CARD14: variants seen among roughly 807,000 people sequenced by gnomAD.
The protein encoded by CARD14 is caspase recruitment domain family member 14, also known as caspase recruitment domain-containing protein 14.
In CARD14, 107 loss-of-function variants were observed where a neutral mutation model predicts 111.5. The observed-to-expected ratio is 0.96, with a 90% confidence interval of 0.82 to 1.13. The LOEUF is 1.13. CARD14 is among the 50% of genes most tolerant of loss of function. The probability of loss-of-function intolerance (pLI) is 0.00; values close to 1 mark genes in which losing one functional copy is unlikely to be tolerated. For missense variants in CARD14, 1,322 were observed against 1,362.3 expected (o/e 0.97, Z 0.47); for synonymous variants, 617 against 579.6 (o/e 1.06, Z -0.93).
chr17:80,189,650 A>C lies in CARD14; in HGVS notation c.844-103A>C. On this transcript the variant is annotated intron_variant, in intron 8 of 23. Coordinates refer to ENST00000648509, the MANE Select transcript of CARD14 (RefSeq NM_001366385.1). This position sits in a 1 kb window ranked among gnomAD's most constrained non-coding sequence, Gnocchi z 4.7. Reference sequence around the variant, plus strand: ...TAGAGTGGCAAGACTGCATCCGTCCACACACCTGACCGTGCAGTTGCCGCC... The same window carrying C: ...TAGAGTGGCAAGACTGCATCCGTCCCCACACCTGACCGTGCAGTTGCCGCC... 7.4e-7 allele frequency: 1 copy of C among 1,351,290 alleles called. No individual in the cohort carries two copies. The highest frequency in any genetic ancestry group is 9.7e-7 in the Non-Finnish European group (1 of 1,032,174). 83.7% of individuals were successfully genotyped at this position (1,351,290 alleles called of 1,614,324 possible).
chr17:80,204,892 G>A, intron 20 of CARD14, 143 bp from the exon 21 acceptor site: 1 of 692,534 alleles, frequency 1.4e-6, no homozygotes, highest in Non-Finnish European at 2.3e-6. Context: ...AGTGAGTCCT[G>A]TGACCGCTGA....
At position 80,207,793 on chromosome 17, in the gene CARD14, CG is replaced by C. The variant is rs1359333761; in HGVS notation, c.2808-343del. On this transcript the variant is annotated intron_variant, in intron 23 of 23. Coordinates refer to ENST00000648509, the MANE Select transcript of CARD14 (RefSeq NM_001366385.1). The stretch of plus-strand genomic sequence containing the variant: ...ACCATTGTAAGGCCAGAACCCCACC[CG>C]GCCTCAGCTCCACTGACCCTCCACT... 1.5e-5 allele frequency: 4 copies of C among 267,576 alleles called. No individual in the cohort carries two copies. In the Admixed American group the frequency reaches 2.1e-4, roughly 14 times the overall value. The allele number at this position is 267,576 out of a possible 1,614,324, so 16.6% of individuals were successfully genotyped here.
chr17:80,198,710 C>T lies in CARD14; in HGVS notation c.1851+119C>T, dbSNP rs746667856. On this transcript the variant is annotated intron_variant, in intron 16 of 23. Transcript: ENST00000648509. This position sits in a 1 kb window ranked among gnomAD's most constrained non-coding sequence, Gnocchi z 7.5. Reference sequence around the variant, plus strand: ...CGATGCAGATCCACTCTGGGCTGGGCCTCTGCTCTTTCCTGGGCTGACGTA... The same window carrying T: ...CGATGCAGATCCACTCTGGGCTGGGTCTCTGCTCTTTCCTGGGCTGACGTA... 7 of 1,588,648 alleles carry T rather than the reference C, an allele frequency of 4.4e-6. No homozygotes were observed. The South Asian group carries it at 4.5e-5, about 10-fold the overall frequency.
At chr17:80,196,923 G>A (rs1171521547) in intron 14 of CARD14, 1 of 152,340 alleles carries the variant, frequency 6.6e-6, no homozygotes, top group African/African-American at 2.4e-5. Flanking sequence ...TAGTACAGTA[G>A]TGCAGGTCTG....
chr17:80,197,934 T>C (rs1490196721), intron 14 of CARD14, among the ~76,000 whole-genome samples, 165 bp from the exon 15 acceptor site: 1 of 151,950 alleles, frequency 6.6e-6, no homozygotes, highest in African/African-American at 2.4e-5. Context: ...CAGTGGGGCC[T>C]GAGGCTGAGG....
At chr17:80,175,952 G>GTTTTTTT (rs531556673) in intron 2 of CARD14, among the ~76,000 whole-genome samples, 3 of 53,548 alleles carry the variant, frequency 5.6e-5, no homozygotes, top group Admixed American at 3.0e-4. Flanking sequence ...CTCTCGGATC[G>GTTTTTTT]TTTTTTTTTT....
Position 80,188,257 on chromosome 17 carries a change from G to T in CARD14, c.676-120G>T. ...CCTTTCGTGGGTTTTTCAGTCTCGA[G>T]GCAGGAAGCCCCCTGAGTGCTAAAA... On this transcript the variant is annotated intron_variant, in intron 7 of 23. Coordinates refer to ENST00000648509, the MANE Select transcript of CARD14 (RefSeq NM_001366385.1). This position sits in a 1 kb window ranked among gnomAD's most constrained non-coding sequence, Gnocchi z 4.5. The T allele has an allele frequency of 9.4e-7, 1 of 1,059,984 alleles. No individual in the cohort carries two copies. The highest frequency in any genetic ancestry group is 1.3e-6 in the Non-Finnish European group (1 of 775,586). The allele number at this position is 1,059,984 out of a possible 1,614,324, so 65.7% of individuals were successfully genotyped here.
chr17:80,191,287 A>G, intron 10 of CARD14, 36 bp from the exon 11 acceptor site: 1 of 1,594,664 alleles, frequency 6.3e-7, no homozygotes, highest in Non-Finnish European at 8.6e-7. Context: ...CCCGGTGGTG[A>G]TGGCGCGGCC....
chr17:80,198,615 G>T lies in CARD14; in HGVS notation c.1851+24G>T. 1 of 1,610,648 alleles carries T rather than the reference G, an allele frequency of 6.2e-7. No individual in the cohort carries two copies. The highest frequency in any genetic ancestry group is 2.2e-5 in the East Asian group (1 of 44,852). ...TGGTGAGCCGTGCGAGGCCCCTCCTGTCCCCCGGGCTCCTCATGGGGACAG... is the reference window on the plus strand; with the variant it reads ...TGGTGAGCCGTGCGAGGCCCCTCCTTTCCCCCGGGCTCCTCATGGGGACAG... On this transcript the variant is annotated intron_variant, in intron 16 of 23. Coordinates refer to ENST00000648509, the MANE Select transcript of CARD14 (RefSeq NM_001366385.1). The surrounding 1 kb of genome is among the most constrained non-coding windows in gnomAD (Gnocchi z 7.5).
At chr17:80,174,279 C>T (rs1016405049) in intron 2 of CARD14, among the ~76,000 whole-genome samples, 1 of 152,208 alleles carries the variant, frequency 6.6e-6, no homozygotes, top group African/African-American at 2.4e-5. Context: ...GTGGCGTAAT[C>T]TCAGCTCACT....
At chr17:80,174,625 T>C (rs781467046) in intron 2 of CARD14, among the ~76,000 whole-genome samples, 1 of 152,170 alleles carries the variant, frequency 6.6e-6, no homozygotes, top group African/African-American at 2.4e-5. Context: ...AAGAATCTTC[T>C]TATTTGGCTG....
chr17:80,202,365 A>G lies in CARD14; in HGVS notation c.2164A>G (p.Asn722Asp), dbSNP rs769617562. 9.9e-6 allele frequency: 16 copies of G among 1,613,222 alleles called. No homozygotes were observed. The highest frequency in any genetic ancestry group is 1.4e-5 in the Non-Finnish European group (16 of 1,180,016). The change falls in exon 18 of 24, where the codon AAC becomes GAC. Residue 722 changes from asparagine (N) to aspartate (D), a missense_variant. Physicochemically the swap from Asn to Asp is conservative, Grantham distance 23. Transcript: ENST00000648509. ...CGGCTGCTGGCATGCCCACCGCGTG[A>G]ACTCTTACACCATGAAGGATACTGC... is the stretch of plus-strand genomic sequence containing the variant. Reference protein sequence around the residue: ...GCGCWHAHRVNSYTMKDTAAH... With the variant: ...GCGCWHAHRVDSYTMKDTAAH...
At position 80,202,424 on chromosome 17, in the gene CARD14, A is replaced by G. The variant is rs2041033764; in HGVS notation, c.2219+4A>G. 6.2e-7 allele frequency: 1 copy of G among 1,608,360 alleles called. No individual in the cohort carries two copies. On this transcript the variant is annotated splice_donor_region_variant and intron_variant, in intron 18 of 23. Coordinates refer to ENST00000648509, the MANE Select transcript of CARD14 (RefSeq NM_001366385.1). ...GCACCATCCCCAACTACTCCAGGTG[A>G]GCAGCTGCCTCGAGCTCGGTGCGTC...
Position 80,205,622 on chromosome 17 carries a change from C to A in CARD14, c.2661C>A (p.Thr887=). The A allele has an allele frequency of 6.4e-7, 1 of 1,567,546 alleles. No individual in the cohort carries two copies. The highest frequency in any genetic ancestry group is 8.7e-7 in the Non-Finnish European group (1 of 1,155,712). Residue 887 remains threonine (T), a synonymous_variant, in exon 22 of 24, where the codon ACC becomes ACA. Coordinates refer to ENST00000648509, the MANE Select transcript of CARD14 (RefSeq NM_001366385.1). The part of the protein sequence containing the change: ...GEVSGGRCWV[T]RHAVESLMEK... ...TGTCCGGGGGCCGCTGCTGGGTGACCCGCCATGCTGTGGAGTCCCTCATGG... is the reference window on the plus strand; with the variant it reads ...TGTCCGGGGGCCGCTGCTGGGTGACACGCCATGCTGTGGAGTCCCTCATGG...
rs2041361762 is a variant in CARD14 at position 80,207,078 on chromosome 17, A to C, written c.2800A>C (p.Lys934Gln). The C allele has an allele frequency of 6.2e-7, 1 of 1,612,824 alleles. No individual in the cohort carries two copies. The highest frequency in any genetic ancestry group is 1.7e-5 in the Admixed American group (1 of 59,994). Reference sequence around the variant, plus strand: ...CTCTGTCAACGAGAAGATGGCAAAGAAGCTCAAGTAGGTGCACGCTGGGGG... The same window carrying C: ...CTCTGTCAACGAGAAGATGGCAAAGCAGCTCAAGTAGGTGCACGCTGGGGG... ...HVSVNEKMAK[K>Q]LKKGLQRLGT... is the part of the protein sequence containing the mutation. The change falls in exon 23 of 24, where the codon AAG (lysine) becomes CAG (glutamine). Residue 934 changes from lysine (K) to glutamine (Q), a missense_variant. Transcript: ENST00000648509.
Position 80,189,865 on chromosome 17 carries a change from G to C in CARD14, c.956G>C (p.Arg319Pro). 1 of 1,595,062 alleles carries C rather than the reference G, an allele frequency of 6.3e-7. No individual in the cohort carries two copies. ...RERAVAAERQREQYWEEKEQT... is the reference protein window; with the variant it reads ...RERAVAAERQPEQYWEEKEQT... ...CGGGCCGTGGCTGCCGAGAGGCAGC[G>C]AGAGCAGGTGCCGTGTGAGCCCTTC... The change falls in exon 9 of 24, where the codon CGA (arginine) becomes CCA (proline). Residue 319 changes from arginine to proline, a missense_variant. Physicochemically the swap from Arg to Pro is moderately radical, Grantham distance 103. Coordinates refer to ENST00000648509, the MANE Select transcript of CARD14 (RefSeq NM_001366385.1). This position sits in a 1 kb window ranked among gnomAD's most constrained non-coding sequence, Gnocchi z 4.7.
chr17:80,193,983 A>T (rs542240705), intron 12 of CARD14, among the ~76,000 whole-genome samples: 1 of 152,048 alleles, frequency 6.6e-6, no homozygotes, highest in South Asian at 2.1e-4. Context: ...CACCATCCTC[A>T]TTCACCAGCC....
rs201797957 is a variant in CARD14 at position 80,198,648 on chromosome 17, G to A, written c.1851+57G>A. Reference sequence around the variant, plus strand: ...GGCTCCTCATGGGGACAGTGGCAGCGGGTGGGGTGACCCAGGCAGACTTCA... The same window carrying A: ...GGCTCCTCATGGGGACAGTGGCAGCAGGTGGGGTGACCCAGGCAGACTTCA... On this transcript the variant is annotated intron_variant, in intron 16 of 23. Transcript: ENST00000648509. This position sits in a 1 kb window ranked among gnomAD's most constrained non-coding sequence, Gnocchi z 7.5. 127 of 1,608,796 alleles carry A rather than the reference G, an allele frequency of 7.9e-5. 1 individual carries two copies. In the Middle Eastern group the frequency reaches 8.3e-4, roughly 10 times the overall value.
chr17:80,183,705 G>A (rs2040244301), intron 6 of CARD14, among the ~76,000 whole-genome samples: 1 of 152,076 alleles, frequency 6.6e-6, no homozygotes, highest in African/African-American at 2.4e-5. Context: ...TCGGCCCACC[G>A]GCCCATCTGT....
Sources: gnomAD v4.1 joint callset for allele counts (sites outside exome capture counted in the v4.1 genomes callset) on GRCh38, gnomAD v4.1.1 for gene constraint, Gnocchi (gnomAD v3.1) non-coding constraint, MANE v1.5 for transcripts, NCBI Gene and HGNC (gene_info 2026-07-23, HGNC 2026-07-21) for gene names.